The following NCKAP5 variants were observed in gnomAD, a reference collection of about 807,000 sequenced individuals.
NCKAP5 encodes the protein NCK associated protein 5, also known as nck-associated protein 5.
A neutral mutation model predicts 167.0 loss-of-function variants in NCKAP5; 92 were observed. The observed-to-expected ratio is 0.55, with a 90% confidence interval of 0.47 to 0.66. The LOEUF is 0.66. NCKAP5 is among the 30% of genes least tolerant of loss of function. The pLI is 0.00. For missense variants in NCKAP5, 2,378 were observed against 2,315.0 expected (o/e 1.03, Z -0.56); for synonymous variants, 891 against 877.4 (o/e 1.02, Z -0.27).
At chr2:132,925,142 G>T (rs1695755518) in intron 8 of NCKAP5, among the ~76,000 whole-genome samples, 1 of 151,988 alleles carries the variant, frequency 6.6e-6, no homozygotes, top group African/African-American at 2.4e-5. Flanking sequence ...TGGGGGGTGG[G>T]GAATGGTTTC....
In NCKAP5 at chr2:132,725,656, A is replaced by G. The variant is rs772960524; in HGVS notation, c.5684T>C (p.Leu1895Ser). The change falls in exon 19 of 20, where the codon TTA (leucine) becomes TCA (serine). Residue 1895 changes from leucine (L) to serine (S), a missense_variant. Transcript: ENST00000409261. ...GGCAGCGCTCTTCAGTGCTTTCACT[A>G]ACTGTCCCCTTCCAGCTCCAAAACC... is the stretch of plus-strand genomic sequence containing the variant. ...DNGFGAGRGQ[L>S]VKALKSAAPE... 2 of 1,612,028 alleles carry G rather than the reference A, an allele frequency of 1.2e-6. No homozygotes were observed. The highest frequency in any genetic ancestry group is 1.7e-6 in the Non-Finnish European group (2 of 1,179,166).
chr2:132,729,707 G>A (rs1184027239), intron 17 of NCKAP5, among the ~76,000 whole-genome samples: 1 of 152,150 alleles, frequency 6.6e-6, no homozygotes, highest in Non-Finnish European at 1.5e-5. Flanking sequence ...ACCCATGAAA[G>A]TAGATTAACC....
At chr2:133,038,225 C>T (rs977254792) in intron 6 of NCKAP5, among the ~76,000 whole-genome samples, 1 of 152,050 alleles carries the variant, frequency 6.6e-6, no homozygotes, top group Non-Finnish European at 1.5e-5. Context: ...CTGAAGTGTT[C>T]ATCAACAGAT....
chr2:133,604,681 C>A, the NCKAP5 span, among the ~76,000 whole-genome samples: 1 of 152,122 alleles, frequency 6.6e-6, no homozygotes, highest in African/African-American at 2.4e-5. Context: ...GTGTTAACCT[C>A]TCTGTGCCTC....
At chr2:132,895,839 A>G (rs1025358243) in intron 8 of NCKAP5, among the ~76,000 whole-genome samples, 6 of 151,250 alleles carry the variant, frequency 4.0e-5, no homozygotes, top group African/African-American at 1.5e-4. Context: ...AAAAACAAAA[A>G]AAAAAACACA....
At chr2:133,616,824 C>T in the NCKAP5 span, among the ~76,000 whole-genome samples, 2 of 152,200 alleles carry the variant, frequency 1.3e-5, no homozygotes, top group East Asian at 3.9e-4. Flanking sequence ...CATCCTGATA[C>T]CAAAGCTGGG....
chr2:132,711,162 G>A (rs1688807618), intron 19 of NCKAP5, among the ~76,000 whole-genome samples: 1 of 152,198 alleles, frequency 6.6e-6, no homozygotes, highest in Non-Finnish European at 1.5e-5. Flanking sequence ...ATATGAGGGT[G>A]AACCCAGGAA....
intron 19 of NCKAP5, among the ~76,000 whole-genome samples, chr2:132,693,094 G>T (rs935341632): frequency 8.5e-5 from 13 of 152,148 alleles, no homozygotes; most frequent in African/African-American, 2.9e-4. Flanking sequence ...AAATTCCTAA[G>T]AACTCAGTAG....
chr2:133,579,428 G>A, the NCKAP5 span, among the ~76,000 whole-genome samples: 1 of 152,182 alleles, frequency 6.6e-6, no homozygotes, highest in Non-Finnish European at 1.5e-5. Context: ...AGGTCAAAAT[G>A]GAACATGAGA....
chr2:132,700,758 C>T (rs1453908335), intron 19 of NCKAP5, among the ~76,000 whole-genome samples: 2 of 152,146 alleles, frequency 1.3e-5, no homozygotes, highest in African/African-American at 2.4e-5. Context: ...GATCTTTCTC[C>T]TAAATTTCTG....
At chr2:132,741,833 T>G (rs571572504) in intron 16 of NCKAP5, among the ~76,000 whole-genome samples, 1 of 152,224 alleles carries the variant, frequency 6.6e-6, no homozygotes, top group African/African-American at 2.4e-5. Context: ...CTAACAAAAT[T>G]ACTCTATGCT....
chr2:132,775,047 T>C (rs1483872706), intron 15 of NCKAP5, among the ~76,000 whole-genome samples: 2 of 152,166 alleles, frequency 1.3e-5, no homozygotes, highest in Non-Finnish European at 2.9e-5. Flanking sequence ...TGGCGCTACA[T>C]AGCTCTTTTA....
chr2:133,222,472 T>C (rs1376098082), intron 4 of NCKAP5, among the ~76,000 whole-genome samples: 1 of 152,200 alleles, frequency 6.6e-6, no homozygotes, highest in East Asian at 1.9e-4. Flanking sequence ...GAGTGGACTC[T>C]GGCAAACCAC....
At chr2:133,193,659 T>C (rs1014600818) in intron 5 of NCKAP5, among the ~76,000 whole-genome samples, 1 of 152,034 alleles carries the variant, frequency 6.6e-6, no homozygotes, top group Non-Finnish European at 1.5e-5. Flanking sequence ...CTCACCATCT[T>C]ATATGCCTGT....
rs564241214 is a variant in NCKAP5 at position 133,058,727 on chromosome 2, A to G, written c.342-64488T>C. Among the ~76,000 whole-genome samples the G allele has an allele frequency of 2.7e-4, 41 of 152,352 alleles. No homozygotes were observed. In the Middle Eastern group the frequency reaches 0.017, roughly 63 times the overall value. ...GAAAAGATAACAAGAGATTAGAAATATTACATAAACTTAGTTGATAAAGCA... is the reference window on the plus strand; with the variant it reads ...GAAAAGATAACAAGAGATTAGAAATGTTACATAAACTTAGTTGATAAAGCA... On this transcript the variant is annotated intron_variant, in intron 6 of 19. Transcript: ENST00000409261.
intron 3 of NCKAP5, among the ~76,000 whole-genome samples, chr2:133,510,730 T>C (rs1575082009): frequency 6.6e-6 from 1 of 152,334 alleles, no homozygotes; most frequent in East Asian, 1.9e-4. Flanking sequence ...GTCACTGGCA[T>C]AAAGCAATTT....
the NCKAP5 span, among the ~76,000 whole-genome samples, chr2:133,653,971 T>C: frequency 6.6e-6 from 1 of 152,210 alleles, no homozygotes; most frequent in African/African-American, 2.4e-5. Context: ...AGAATTATTT[T>C]TGAGAATTTG....
At position 133,028,317 on chromosome 2, in the gene NCKAP5, A is replaced by G. The variant is rs181951451; in HGVS notation, c.342-34078T>C. Among the ~76,000 whole-genome samples the G allele has an allele frequency of 8.5e-5, 13 of 152,330 alleles. No individual in the cohort carries two copies. The East Asian group carries it at 2.5e-3, about 29-fold the overall frequency. ...AAATTACTTTCCAGAAATGAAGCAT[A>G]TTCTTTTAAGTCTTCTTGGTATGAC... On this transcript the variant is annotated intron_variant, in intron 6 of 19. Coordinates refer to ENST00000409261, the MANE Select transcript of NCKAP5 (RefSeq NM_207363.3).
chr2:133,358,359 G>T (rs1300301462), intron 3 of NCKAP5, among the ~76,000 whole-genome samples: 1 of 152,080 alleles, frequency 6.6e-6, no homozygotes, highest in Non-Finnish European at 1.5e-5. Flanking sequence ...CAAGACAATC[G>T]CTTGAGGGCA....
Sources: gnomAD v4.1 joint callset for allele counts (sites outside exome capture counted in the v4.1 genomes callset) on GRCh38, gnomAD v4.1.1 for gene constraint, MANE v1.5 for transcripts, NCBI Gene and HGNC (gene_info 2026-07-23, HGNC 2026-07-21) for gene names.